The following LMNTD1 variants were observed in gnomAD, a reference collection of about 807,000 sequenced individuals.
LMNTD1 encodes the protein lamin tail domain-containing protein 1.
LMNTD1 carries 35 observed loss-of-function variants against 50.9 expected under a neutral mutation model. The ratio of observed to expected loss-of-function variants is 0.69; its 90% CI spans 0.53 to 0.91. LMNTD1 has a LOEUF of 0.91. Among genes scored for constraint, LMNTD1 ranks in the 40% least tolerant of loss-of-function variants. The pLI is 0.00. For synonymous variants in LMNTD1, 153 were observed against 161.9 expected, an observed-to-expected ratio of 0.94 and a Z score of 0.42; for missense variants, 470 against 475.5, an observed-to-expected ratio of 0.99 and a Z score of 0.11.
intron 8 of LMNTD1, among the ~76,000 whole-genome samples, chr12:25,508,515 C>T (rs1939997694): frequency 6.6e-6 from 1 of 151,976 alleles, no homozygotes; most frequent in Non-Finnish European, 1.5e-5. Flanking sequence ...ATTTATTTAT[C>T]CATTAAATAA....
chr12:25,640,208 A>G (rs1486052267), intron 1 of LMNTD1, among the ~76,000 whole-genome samples: 2 of 152,108 alleles, frequency 1.3e-5, no homozygotes, highest in African/African-American at 4.8e-5. Flanking sequence ...GGTGATAGAA[A>G]ATAGAATAGG....
At chr12:25,612,738 A>T (rs1400129673) in intron 1 of LMNTD1, among the ~76,000 whole-genome samples, 3 of 152,124 alleles carry the variant, frequency 2.0e-5, no homozygotes, top group Non-Finnish European at 2.9e-5. Context: ...TCCCCCGTGT[A>T]TAGAGTTTAA....
chr12:25,519,330 G>T (rs1026748385), intron 7 of LMNTD1, among the ~76,000 whole-genome samples: 4 of 150,276 alleles, frequency 2.7e-5, no homozygotes, highest in South Asian at 2.1e-4. Context: ...GGTGGCTCAC[G>T]CCTGTAATCC....
chr12:25,643,591 C>A (rs143602492), intron 1 of LMNTD1, among the ~76,000 whole-genome samples: 1 of 152,260 alleles, frequency 6.6e-6, no homozygotes, highest in East Asian at 1.9e-4. Context: ...CATGTGCATT[C>A]CAATTTTTAA....
At chr12:25,636,238 G>T (rs922103327) in intron 1 of LMNTD1, among the ~76,000 whole-genome samples, 1 of 152,018 alleles carries the variant, frequency 6.6e-6, no homozygotes, top group Non-Finnish European at 1.5e-5. Context: ...GTATACATCT[G>T]ACAAAGGACT....
chr12:25,511,975 A>G (rs1304266302), intron 8 of LMNTD1, among the ~76,000 whole-genome samples: 1 of 152,108 alleles, frequency 6.6e-6, no homozygotes, highest in Non-Finnish European at 1.5e-5. Context: ...TTCCAATGCT[A>G]TCTCCCCTGA....
chr12:25,558,132 T>A (rs1484046399), upstream of LMNTD1, among the ~76,000 whole-genome samples: 1 of 152,208 alleles, frequency 6.6e-6, no homozygotes, highest in Non-Finnish European at 1.5e-5. Flanking sequence ...TTGTAATGTC[T>A]CCTTTTTCAT....
chr12:25,559,152 C>T (rs1487313626), intron 1 of LMNTD1, among the ~76,000 whole-genome samples: 2 of 151,990 alleles, frequency 1.3e-5, no homozygotes, highest in African/African-American at 4.8e-5. Flanking sequence ...CCCGTTAACT[C>T]GTCATTTACA....
chr12:25,607,999 T>A (rs1209627556), intron 1 of LMNTD1, among the ~76,000 whole-genome samples: 2 of 152,330 alleles, frequency 1.3e-5, no homozygotes, highest in South Asian at 4.2e-4. Context: ...CAGGACTTGC[T>A]TTATGAATCT....
chr12:25,562,113 A>G (rs1436677335), intron 1 of LMNTD1, among the ~76,000 whole-genome samples: 1 of 152,178 alleles, frequency 6.6e-6, no homozygotes, highest in Non-Finnish European at 1.5e-5. Context: ...GTGCCTTTTA[A>G]TTGGAACATT....
intron 1 of LMNTD1, among the ~76,000 whole-genome samples, chr12:25,572,017 G>A (rs564554410): frequency 6.6e-6 from 1 of 152,306 alleles, no homozygotes; most frequent in South Asian, 2.1e-4. Context: ...GAGGTGGCAT[G>A]AATGGAGACC....
chr12:25,512,755 C>T (rs79141213), intron 8 of LMNTD1, among the ~76,000 whole-genome samples: 281 of 151,936 alleles, frequency 1.8e-3, no homozygotes, highest in African/African-American at 6.6e-3. Context: ...ACAAAGAGGG[C>T]AATTATGGCA....
intron 1 of LMNTD1, among the ~76,000 whole-genome samples, chr12:25,621,659 T>C (rs1482696285): frequency 6.6e-6 from 1 of 152,238 alleles, no homozygotes; most frequent in Non-Finnish European, 1.5e-5. Flanking sequence ...CTTTCAGTTA[T>C]TCATTTGTTT....
intron 8 of LMNTD1, among the ~76,000 whole-genome samples, chr12:25,508,342 T>G (rs1939980442): frequency 6.6e-6 from 1 of 152,180 alleles, no homozygotes; most frequent in Admixed American, 6.5e-5. Context: ...GGTTCAATAT[T>G]GTATGTTTTT....
At chr12:25,592,045 T>C (rs1017188412) in intron 1 of LMNTD1, among the ~76,000 whole-genome samples, 1 of 152,114 alleles carries the variant, frequency 6.6e-6, no homozygotes, top group Non-Finnish European at 1.5e-5. Context: ...CTAAGTTCTC[T>C]TGAATATCTA....
intron 1 of LMNTD1, among the ~76,000 whole-genome samples, chr12:25,559,932 C>A (rs1028999664): frequency 6.6e-6 from 1 of 152,140 alleles, no homozygotes; most frequent in Admixed American, 6.5e-5. Flanking sequence ...TTTGTAGATT[C>A]TGGATATTAG....
chr12:25,537,405 G>T (rs1853159422), intron 4 of LMNTD1, among the ~76,000 whole-genome samples: 1 of 152,220 alleles, frequency 6.6e-6, no homozygotes, highest in African/African-American at 2.4e-5. Context: ...CCTTAAGTGG[G>T]TCCCTGACCC....
At chr12:25,498,412 C>T (rs928598746) in intron 9 of LMNTD1, among the ~76,000 whole-genome samples, 16 of 152,228 alleles carry the variant, frequency 1.1e-4, no homozygotes, top group African/African-American at 2.4e-4. Flanking sequence ...CTGGTTACTC[C>T]GTAGAAATTT....
chr12:25,549,244 CT>C (rs1165814248), intron 3 of LMNTD1, 81 bp downstream of exon 3: 4 of 701,672 alleles, frequency 5.7e-6, no homozygotes, highest in Admixed American at 3.1e-5. Flanking sequence ...AAACATCATT[CT>C]GACTGAGAGT....
Sources: gnomAD v4.1 joint callset for allele counts (sites outside exome capture counted in the v4.1 genomes callset) on GRCh38, gnomAD v4.1.1 for gene constraint, MANE v1.5 for transcripts, NCBI Gene and HGNC (gene_info 2026-07-23, HGNC 2026-07-21) for gene names.